The following KCNN2 variants were observed in gnomAD, a reference collection of about 807,000 sequenced individuals.
KCNN2 encodes the protein potassium calcium-activated channel subfamily N member 2.
A neutral mutation model predicts 55.5 loss-of-function variants in KCNN2; 24 were observed. The ratio of observed to expected loss-of-function variants is 0.43; its 90% CI spans 0.31 to 0.61. The LOEUF (loss-of-function observed/expected upper bound fraction) is 0.61. Ranked by LOEUF, KCNN2 falls within the 20% of genes least tolerant of loss-of-function variation. KCNN2 has a pLI of 0.08. For synonymous variants in KCNN2, 431 were observed against 336.1 expected, an observed-to-expected ratio of 1.28 and a Z score of -3.09; for missense variants, 754 against 853.6, an observed-to-expected ratio of 0.88 and a Z score of 1.45.
intron 1 of KCNN2, among the ~76,000 whole-genome samples, chr5:114,085,461 A>G (rs1180765925): frequency 6.6e-6 from 1 of 151,984 alleles, no homozygotes; most frequent in Non-Finnish European, 1.5e-5. Context: ...TGCAAATGAT[A>G]TTGTGTTTTT....
intron 1 of KCNN2, among the ~76,000 whole-genome samples, chr5:114,174,625 G>A (rs185707312): frequency 3.7e-4 from 56 of 152,214 alleles, no homozygotes; most frequent in Admixed American, 1.0e-3. Flanking sequence ...ATCCAGTCAT[G>A]CTGCGTTTGC....
intron 1 of KCNN2, among the ~76,000 whole-genome samples, chr5:114,159,181 A>G (rs1388847225): frequency 9.9e-5 from 15 of 152,186 alleles, no homozygotes; most frequent in Non-Finnish European, 1.9e-4. Flanking sequence ...CGTCCCATCA[A>G]TACCTAATTT....
intron 2 of KCNN2, among the ~76,000 whole-genome samples, chr5:114,225,183 T>A (rs1257364667): frequency 6.6e-6 from 1 of 152,204 alleles, no homozygotes; most frequent in Non-Finnish European, 1.5e-5. Context: ...GTAGGTAACT[T>A]TGTAATTTAA....
At chr5:114,406,703 G>A (rs889105608) in intron 3 of KCNN2, among the ~76,000 whole-genome samples, 1 of 151,992 alleles carries the variant, frequency 6.6e-6, no homozygotes, top group Non-Finnish European at 1.5e-5. Flanking sequence ...AATGACTCTT[G>A]GAACATTCTG....
chr5:114,161,604 C>G (rs1040621973), intron 1 of KCNN2, among the ~76,000 whole-genome samples: 2 of 152,222 alleles, frequency 1.3e-5, no homozygotes, highest in African/African-American at 4.8e-5. Flanking sequence ...TGTTTTCCAA[C>G]TTGATTGCAT....
intron 3 of KCNN2, among the ~76,000 whole-genome samples, chr5:114,453,991 A>C (rs1175311300): frequency 6.6e-6 from 1 of 152,058 alleles, no homozygotes; most frequent in Non-Finnish European, 1.5e-5. Context: ...ACACCCCAGT[A>C]GGCCCCGGTA....
chr5:114,249,651 A>G (rs763200701), intron 2 of KCNN2, among the ~76,000 whole-genome samples: 1 of 152,074 alleles, frequency 6.6e-6, no homozygotes, highest in Non-Finnish European at 1.5e-5. Flanking sequence ...ATATACAAAA[A>G]TAAATCCAAA....
chr5:114,368,531 G>A (rs1481086121), intron 2 of KCNN2, among the ~76,000 whole-genome samples: 1 of 152,168 alleles, frequency 6.6e-6, no homozygotes, highest in Admixed American at 6.5e-5. Flanking sequence ...TTTGCTATGT[G>A]AAGGCTCAAG....
Position 114,348,975 on chromosome 5 carries a change from A to G in KCNN2, c.-184-11970A>G, listed in dbSNP as rs578040348. ...TCAATAGTTTTTAGTATATTCCCAG[A>G]GTTACATAACCATCACCACACTCCA... On this transcript the variant is annotated intron_variant, in intron 2 of 10. Transcript: ENST00000512097. 1.7e-4 allele frequency among the ~76,000 whole-genome samples: 25 copies of G among 146,736 alleles called. No individual in the cohort carries two copies. The South Asian group carries it at 5.6e-3, about 33-fold the overall frequency.
intron 2 of KCNN2, among the ~76,000 whole-genome samples, chr5:114,297,619 C>T (rs1756055612): frequency 1.3e-5 from 2 of 152,040 alleles, no homozygotes; most frequent in Non-Finnish European, 2.9e-5. Context: ...TGTATCCCTC[C>T]AAAAACTCTA....
chr5:114,413,775 C>A lies in KCNN2; in HGVS notation c.1637+8919C>A, dbSNP rs544746570. 1.4e-4 allele frequency among the ~76,000 whole-genome samples: 21 copies of A among 152,250 alleles called. No homozygotes were observed. The Middle Eastern group carries it at 0.01, about 74-fold the overall frequency. ...GAATCCAACCTCAATGATCTCATAGCCAGTTCATTATGGTCCTCCTCATCC... is the reference window on the plus strand; with the variant it reads ...GAATCCAACCTCAATGATCTCATAGACAGTTCATTATGGTCCTCCTCATCC... On this transcript the variant is annotated intron_variant, in intron 3 of 7. Coordinates refer to ENST00000673685, the MANE Select transcript of KCNN2 (RefSeq NM_021614.4).
chr5:114,063,943 A>G (rs79338131), intron 1 of KCNN2, among the ~76,000 whole-genome samples: 227 of 152,370 alleles, frequency 1.5e-3, no homozygotes, highest in African/African-American at 5.4e-3. Flanking sequence ...ACCACATGTA[A>G]CAGAGGCAAT....
intron 3 of KCNN2, among the ~76,000 whole-genome samples, chr5:114,443,974 G>T (rs1177324984): frequency 6.6e-6 from 1 of 152,172 alleles, no homozygotes; most frequent in African/African-American, 2.4e-5. Flanking sequence ...AAGCAGTGGG[G>T]AATCACCTTG....
chr5:114,164,859 T>C (rs1293179088), intron 1 of KCNN2, among the ~76,000 whole-genome samples: 1 of 152,226 alleles, frequency 6.6e-6, no homozygotes, highest in Admixed American at 6.5e-5. Context: ...GGACCGTTTC[T>C]ATTACTAATC....
At chr5:114,442,384 A>T (rs1294523661) in intron 3 of KCNN2, among the ~76,000 whole-genome samples, 4 of 152,006 alleles carry the variant, frequency 2.6e-5, no homozygotes, top group Non-Finnish European at 2.9e-5. Context: ...TTTAAGGAAA[A>T]ACAATGCATT....
intron 2 of KCNN2, among the ~76,000 whole-genome samples, chr5:114,339,846 TAAAA>T (rs1554082216): frequency 6.6e-6 from 1 of 151,328 alleles, no homozygotes; most frequent in Non-Finnish European, 1.5e-5. Flanking sequence ...AATAAATAAA[TAAAA>T]ATGCATGATA....
At chr5:114,312,635 C>T (rs1367825025) in intron 2 of KCNN2, among the ~76,000 whole-genome samples, 1 of 151,462 alleles carries the variant, frequency 6.6e-6, no homozygotes. Context: ...TTTGTATTTG[C>T]AGAGGTATGT....
intron 2 of KCNN2, among the ~76,000 whole-genome samples, chr5:114,285,601 A>C (rs190808139): frequency 6.6e-6 from 1 of 152,296 alleles, no homozygotes; most frequent in Non-Finnish European, 1.5e-5. Flanking sequence ...GTATTTGTAG[A>C]GCTTTTAAAA....
In KCNN2 at chr5:114,320,458, C is replaced by A. The variant is rs141282323; in HGVS notation, c.-184-40487C>A. The stretch of plus-strand genomic sequence containing the variant: ...GAAACACCGTCTCTACTAAAAAATA[C>A]AAAAAATTAGCCAGGCCTGATGGTG... On this transcript the variant is annotated intron_variant, in intron 2 of 10. Transcript: ENST00000512097. 3.6e-3 allele frequency among the ~76,000 whole-genome samples: 550 copies of A among 151,928 alleles called. 6 individuals are homozygous for A. The highest frequency in any genetic ancestry group is 0.013 in the African/African-American group (528 of 41,442).
Sources: gnomAD v4.1 joint callset for allele counts (sites outside exome capture counted in the v4.1 genomes callset) on GRCh38, gnomAD v4.1.1 for gene constraint, MANE v1.5 for transcripts, NCBI Gene and HGNC (gene_info 2026-07-23, HGNC 2026-07-21) for gene names.